HEPACAM: variants seen among roughly 807,000 people sequenced by gnomAD.
The protein encoded by HEPACAM is hepatocyte cell adhesion molecule.
A neutral mutation model predicts 38.3 loss-of-function variants in HEPACAM; 18 were observed. The observed-to-expected ratio is 0.47, with a 90% CI of 0.33 to 0.70. The LOEUF (loss-of-function observed/expected upper bound fraction) is 0.70. HEPACAM is among the 30% of genes least tolerant of loss of function. The pLI, the probability that HEPACAM is intolerant of heterozygous loss-of-function variation, is 0.03. For missense variants in HEPACAM, 466 were observed against 563.0 expected, an observed-to-expected ratio of 0.83 and a Z score of 1.74; for synonymous variants, 216 against 243.1, an observed-to-expected ratio of 0.89 and a Z score of 1.04.
chr11:124,931,857 T>C (rs1162227284), intron 1 of HEPACAM, among the ~76,000 whole-genome samples: 1 of 152,232 alleles, frequency 6.6e-6, no homozygotes, highest in East Asian at 1.9e-4. Flanking sequence ...AAAGTGTCTA[T>C]CAAAGTTGAA....
intron 1 of HEPACAM, among the ~76,000 whole-genome samples, chr11:124,926,400 G>A (rs557547667): frequency 5.3e-5 from 8 of 152,278 alleles, no homozygotes; most frequent in Admixed American, 2.6e-4. Flanking sequence ...GATAAAAGGA[G>A]TAGTAGGCTA....
chr11:124,928,656 T>A (rs758901333), intron 1 of HEPACAM, among the ~76,000 whole-genome samples: 1 of 152,172 alleles, frequency 6.6e-6, no homozygotes, highest in African/African-American at 2.4e-5. Flanking sequence ...GATAAATGCA[T>A]ACCTGATTGC....
chr11:124,928,421 G>T (rs1249403919), intron 1 of HEPACAM, among the ~76,000 whole-genome samples: 1 of 152,214 alleles, frequency 6.6e-6, no homozygotes, highest in Non-Finnish European at 1.5e-5. Context: ...TGATCAAATA[G>T]CTGGGGAACA....
intron 1 of HEPACAM, among the ~76,000 whole-genome samples, chr11:124,932,344 C>T (rs1378098757): frequency 6.6e-6 from 1 of 152,056 alleles, no homozygotes; most frequent in Non-Finnish European, 1.5e-5. Flanking sequence ...TTCTTGTATT[C>T]CAGAGAATAC....
At chr11:124,928,702 A>G (rs993954118) in intron 1 of HEPACAM, among the ~76,000 whole-genome samples, 1 of 152,194 alleles carries the variant, frequency 6.6e-6, no homozygotes, top group Non-Finnish European at 1.5e-5. Context: ...AAGAAACTCA[A>G]AATAATGCAA....
chr11:124,928,568 A>G (rs1947246034), intron 1 of HEPACAM, among the ~76,000 whole-genome samples: 1 of 152,142 alleles, frequency 6.6e-6, no homozygotes, highest in Non-Finnish European at 1.5e-5. Flanking sequence ...TCACTAAGCT[A>G]AAGGGAAAAT....
chr11:124,921,206 G>A lies in HEPACAM; in HGVS notation c.1183C>T (p.Leu395=). ...PGRSRSASRT[L]RTAGVHIIRE... ...ATTATGTGCACGCCCGCAGTCCGCA[G>A]TGTGCGCGAGGCGCTGCGCGAGCGG... The change falls in exon 7 of 7, where the codon CTG becomes TTG. Residue 395 remains leucine (L), a synonymous_variant. Coordinates refer to ENST00000298251, the MANE Select transcript of HEPACAM (RefSeq NM_152722.5). This position sits in a 1 kb window ranked among gnomAD's most constrained non-coding sequence, Gnocchi z 4.6. 1 of 1,507,436 alleles carries A rather than the reference G, an allele frequency of 6.6e-7. No individual in the cohort carries two copies. Among genetic ancestry groups the A allele is most frequent in the Admixed American group, 2.1e-5 (1 of 48,656 alleles). 93.4% of individuals were successfully genotyped at this position (1,507,436 alleles called of 1,614,324 possible).
In HEPACAM at chr11:124,920,109, C is replaced by T. The variant is rs1947106419; in HGVS notation, c.*1029G>A. On this transcript the variant is annotated 3_prime_UTR_variant, in exon 7 of 7. Transcript: ENST00000298251. ...AGGAGGCCAGGGGTTGGATCATGTT[C>T]CCCCCAAATGCTGGGAAGCAATAAG... 7.9e-6 allele frequency: 11 copies of T among 1,388,902 alleles called. No homozygotes were observed. The highest frequency in any genetic ancestry group is 2.3e-5 in the East Asian group (1 of 43,522). The allele number at this position is 1,388,902 out of a possible 1,614,324, so 86.0% of individuals were successfully genotyped here. A position where few individuals can be genotyped will look rare whatever the true frequency, so the allele number is the denominator to read the frequency against.
rs1947123806 is a variant in HEPACAM at position 124,920,946 on chromosome 11, A to AT, written c.*191dup. ...GAAGCAAATGCGACCCGGTTTCACC[A>AT]TATCAACACTGCCGCCTCCGCGCAC... On this transcript the variant is annotated 3_prime_UTR_variant, in exon 7 of 7. Coordinates refer to ENST00000298251, the MANE Select transcript of HEPACAM (RefSeq NM_152722.5). 1.5e-6 allele frequency: 2 copies of AT among 1,361,658 alleles called. No homozygotes were observed. The highest frequency in any genetic ancestry group is 3.5e-5 in the South Asian group (2 of 57,454). The allele number at this position is 1,361,658 out of a possible 1,614,324, so 84.3% of individuals were successfully genotyped here.
chr11:124,929,719 G>A (rs558914013), intron 1 of HEPACAM, among the ~76,000 whole-genome samples: 4 of 152,010 alleles, frequency 2.6e-5, no homozygotes, highest in Non-Finnish European at 4.4e-5. Flanking sequence ...GGGATAGATC[G>A]GTGGCCACTC....
At position 124,920,840 on chromosome 11, in the gene HEPACAM, G is replaced by A; in HGVS notation, c.*298C>T. 1.6e-6 allele frequency: 2 copies of A among 1,215,290 alleles called. No homozygotes were observed. The highest frequency in any genetic ancestry group is 2.0e-6 in the Non-Finnish European group (2 of 976,290). The allele number at this position is 1,215,290 out of a possible 1,614,324, so 75.3% of individuals were successfully genotyped here. ...GTTAGTTTCCATAAAACCCTTTTGGGTATTGGGCCAGAAATGTAATAATCT... is the reference window on the plus strand; with the variant it reads ...GTTAGTTTCCATAAAACCCTTTTGGATATTGGGCCAGAAATGTAATAATCT... On this transcript the variant is annotated 3_prime_UTR_variant, in exon 7 of 7. Coordinates refer to ENST00000298251, the MANE Select transcript of HEPACAM (RefSeq NM_152722.5).
At position 124,923,995 on chromosome 11, in the gene HEPACAM, G is replaced by T; in HGVS notation, c.443C>A (p.Pro148Gln). 6.2e-7 allele frequency: 1 copy of T among 1,609,860 alleles called. No individual in the cohort carries two copies. The highest frequency in any genetic ancestry group is 8.5e-7 in the Non-Finnish European group (1 of 1,179,594). ...NLTVDVPISR[P>Q]QVLVASTTVL... The stretch of plus-strand genomic sequence containing the variant: ...AGTGGTTGAAGCCACCAACACCTGT[G>T]GCCTCGAAATGGGCACTGAGCCGCA... Residue 148 changes from proline to glutamine, a missense_variant, in exon 3 of 7, where the codon CCA becomes CAA. Coordinates refer to ENST00000298251, the MANE Select transcript of HEPACAM (RefSeq NM_152722.5).
chr11:124,923,030 A>G (rs1947160686), intron 4 of HEPACAM, among the ~76,000 whole-genome samples: 2 of 152,158 alleles, frequency 1.3e-5, no homozygotes, highest in African/African-American at 2.4e-5. Context: ...TCATTTAACC[A>G]ATCCGAGTCT....
rs1468398107 is a variant in HEPACAM, at chr11:124,921,082, T to TC, written c.*55dup. The TC allele has an allele frequency of 5.3e-6, 8 of 1,505,300 alleles. No individual in the cohort carries two copies. Among genetic ancestry groups the TC allele is most frequent in the Non-Finnish European group, 7.1e-6 (8 of 1,132,248 alleles). The allele number at this position is 1,505,300 out of a possible 1,614,324, so 93.2% of individuals were successfully genotyped here. ...CGCCCGGGCTTCCCAGCCCCAGCTT[T>TC]CCCCCGGGCCACTGGCCGCAGACCG... On this transcript the variant is annotated 3_prime_UTR_variant, in exon 7 of 7. Transcript: ENST00000298251. The surrounding 1 kb of genome is among the most constrained non-coding windows in gnomAD (Gnocchi z 4.6).
At position 124,920,528 on chromosome 11, in the gene HEPACAM, C is replaced by T; in HGVS notation, c.*610G>A. 7.0e-7 allele frequency: 1 copy of T among 1,433,380 alleles called. No individual in the cohort carries two copies. The highest frequency in any genetic ancestry group is 1.3e-5 in the South Asian group (1 of 75,546). 88.8% of individuals were successfully genotyped at this position (1,433,380 alleles called of 1,614,324 possible). A position where few individuals can be genotyped will look rare whatever the true frequency, so the allele number is the denominator to read the frequency against. On this transcript the variant is annotated 3_prime_UTR_variant, in exon 7 of 7. Coordinates refer to ENST00000298251, the MANE Select transcript of HEPACAM (RefSeq NM_152722.5). ...CCCTTCCCTCACCACCTTGTAGGTC[C>T]CCAGGTACCAGGTGCCCAGGGAAGA... is the stretch of plus-strand genomic sequence containing the variant.
intron 1 of HEPACAM, among the ~76,000 whole-genome samples, chr11:124,929,390 C>A (rs938902133): frequency 6.6e-6 from 1 of 152,160 alleles, no homozygotes; most frequent in Non-Finnish European, 1.5e-5. Flanking sequence ...ACAGAGAGAG[C>A]AGTTTGCTGA....
chr11:124,924,866 C>T lies in HEPACAM; in HGVS notation c.289G>A (p.Asp97Asn), dbSNP rs768363400. The change falls in exon 2 of 7, where the codon GAC becomes AAC. Residue 97 changes from aspartate to asparagine, a missense_variant. Physicochemically the swap from Asp to Asn is conservative, Grantham distance 23. Transcript: ENST00000298251. The surrounding 1 kb of genome is among the most constrained non-coding windows in gnomAD (Gnocchi z 4.4). Reference sequence around the variant, plus strand: ...CCATTTTCAAAGAGTCGGATACGGTCTCGATAGTCAGGCCGCAGGGTGCCG... The same window carrying T: ...CCATTTTCAAAGAGTCGGATACGGTTTCGATAGTCAGGCCGCAGGGTGCCG... ...VIGTLRPDYR[D>N]RIRLFENGSL... 6.2e-7 allele frequency: 1 copy of T among 1,614,218 alleles called. No individual in the cohort carries two copies. Among genetic ancestry groups the T allele is most frequent in the East Asian group, 2.2e-5 (1 of 44,880 alleles).
intron 4 of HEPACAM, 89 bp downstream of exon 4, chr11:124,923,251 G>T: frequency 1.1e-6 from 1 of 876,350 alleles, no homozygotes; most frequent in East Asian, 2.4e-5. Flanking sequence ...ACCCTGGGAG[G>T]AAAGGCATTT....
chr11:124,933,367 C>T (rs1009897086), intron 1 of HEPACAM, among the ~76,000 whole-genome samples: 6 of 151,602 alleles, frequency 4.0e-5, no homozygotes, highest in South Asian at 2.1e-4. Context: ...GATGGGGTTT[C>T]GCCATGTTCC....
Sources: allele counts gnomAD v4.1 joint callset (sites outside exome capture counted in the v4.1 genomes callset), GRCh38; gene constraint gnomAD v4.1.1; non-coding constraint Gnocchi (gnomAD v3.1); transcripts MANE v1.5; gene names NCBI Gene and HGNC (gene_info 2026-07-23, HGNC 2026-07-21).